Variants in SPECC1 observed in about 807,000 individuals in gnomAD.
SPECC1 encodes cytospin-B.
Under a neutral mutation model 104.1 loss-of-function variants are expected in SPECC1, and 62 were observed. The ratio of observed to expected loss-of-function variants is 0.60; its 90% CI spans 0.49 to 0.74. The LOEUF is 0.74. SPECC1 is among the 30% of genes least tolerant of loss of function. The probability of loss-of-function intolerance (pLI) is 0.00; values close to 1 mark genes in which losing one functional copy is unlikely to be tolerated. For synonymous variants in SPECC1, 513 were observed against 501.6 expected, an observed-to-expected ratio of 1.02 and a Z score of -0.30; for missense variants, 1,306 against 1,310.5, an observed-to-expected ratio of 1.00 and a Z score of 0.05.
intron 7 of SPECC1, among the ~76,000 whole-genome samples, chr17:20,234,202 T>A (rs1477529569): frequency 6.6e-6 from 1 of 152,194 alleles, no homozygotes; most frequent in Non-Finnish European, 1.5e-5. Context: ...TTTTTGATTT[T>A]CCAGTGATTT....
chr17:20,298,547 CTG>C (rs1262336278), intron 13 of SPECC1, among the ~76,000 whole-genome samples: 1 of 152,104 alleles, frequency 6.6e-6, no homozygotes, highest in African/African-American at 2.4e-5. Flanking sequence ...TCTGGGGAGT[CTG>C]GGGCGGGAGA....
intron 3 of SPECC1, among the ~76,000 whole-genome samples, chr17:20,161,983 C>G (rs545456176): frequency 6.6e-6 from 1 of 151,516 alleles, no homozygotes; most frequent in Admixed American, 6.6e-5. Context: ...TTAGTAGAGA[C>G]GGGGTTTCGC....
chr17:20,195,829 C>G (rs2035996444), intron 3 of SPECC1, among the ~76,000 whole-genome samples: 1 of 152,160 alleles, frequency 6.6e-6, no homozygotes, highest in Non-Finnish European at 1.5e-5. Context: ...AGGTAAGATT[C>G]TCATAAACTT....
intron 1 of SPECC1, among the ~76,000 whole-genome samples, chr17:20,023,131 A>G (rs530561810): frequency 6.6e-6 from 1 of 152,334 alleles, no homozygotes; most frequent in East Asian, 1.9e-4. Context: ...TAAATATTTT[A>G]GGCTTTGCAG....
chr17:20,084,322 G>A (rs536161244), intron 1 of SPECC1, among the ~76,000 whole-genome samples: 4 of 152,230 alleles, frequency 2.6e-5, no homozygotes, highest in African/African-American at 7.2e-5. Context: ...CCAGCTACTC[G>A]GGAGGCTGAG....
chr17:20,123,155 A>G (rs570227851), intron 3 of SPECC1, among the ~76,000 whole-genome samples: 4 of 152,356 alleles, frequency 2.6e-5, no homozygotes, highest in African/African-American at 9.6e-5. Flanking sequence ...GCAGTCGGCT[A>G]GAAGGAGGTT....
At chr17:20,221,854 T>C (rs543821810) in intron 4 of SPECC1, among the ~76,000 whole-genome samples, 1 of 152,258 alleles carries the variant, frequency 6.6e-6, no homozygotes, top group Admixed American at 6.5e-5. Context: ...TTCATTTGTT[T>C]TAAGACATTT....
At chr17:20,098,753 C>G (rs1221008482) in intron 2 of SPECC1, among the ~76,000 whole-genome samples, 1 of 152,202 alleles carries the variant, frequency 6.6e-6, no homozygotes, top group Non-Finnish European at 1.5e-5. Flanking sequence ...TCCTCCTCCT[C>G]CTGCTGCCTT....
chr17:20,019,774 A>G (rs1472805188), intron 1 of SPECC1, among the ~76,000 whole-genome samples: 1 of 152,046 alleles, frequency 6.6e-6, no homozygotes, highest in Non-Finnish European at 1.5e-5. Flanking sequence ...CAGCTTTCCC[A>G]CGGAGCCACC....
rs2044010201 is a variant in SPECC1 at position 20,013,468 on chromosome 17, CT to C, written c.-22+4048del. ...ATTTATATTTATTTTGATTACTGAT[CT>C]TTTGCGGATTATTCCTGTCATCTTA... On this transcript the variant is annotated intron_variant, in intron 1 of 14. Transcript: ENST00000395527. 2.0e-5 allele frequency among the ~76,000 whole-genome samples: 3 copies of C among 152,204 alleles called. No individual in the cohort carries two copies. The South Asian group carries it at 6.2e-4, about 32-fold the overall frequency.
chr17:20,281,407 G>T (rs1331990062), intron 12 of SPECC1, among the ~76,000 whole-genome samples: 1 of 152,124 alleles, frequency 6.6e-6, no homozygotes, highest in East Asian at 1.9e-4. Flanking sequence ...CACACCCCAG[G>T]CTCAGGCTGT....
intron 3 of SPECC1, among the ~76,000 whole-genome samples, chr17:20,167,179 AAT>A (rs1350645331): frequency 3.4e-5 from 5 of 148,006 alleles, no homozygotes; most frequent in Admixed American, 6.8e-5. Context: ...TAGTGTATGT[AAT>A]ATGTTAGCTA....
At chr17:20,245,683 C>T (rs1344291087) in intron 7 of SPECC1, among the ~76,000 whole-genome samples, 1 of 152,126 alleles carries the variant, frequency 6.6e-6, no homozygotes, top group Non-Finnish European at 1.5e-5. Context: ...TATCAAGTCA[C>T]TCTACATATA....
intron 5 of SPECC1, among the ~76,000 whole-genome samples, chr17:20,230,098 C>A (rs1482489921): frequency 6.6e-6 from 1 of 152,072 alleles, no homozygotes; most frequent in Non-Finnish European, 1.5e-5. Flanking sequence ...GGTTGATGAG[C>A]CTGGCTTGTT....
chr17:20,200,371 A>G (rs1298188452), intron 3 of SPECC1, among the ~76,000 whole-genome samples: 1 of 152,170 alleles, frequency 6.6e-6, no homozygotes, highest in Non-Finnish European at 1.5e-5. Flanking sequence ...TCACACTTCA[A>G]ACATGTTTCT....
chr17:20,048,989 G>A (rs940972009), intron 1 of SPECC1, among the ~76,000 whole-genome samples: 2 of 152,074 alleles, frequency 1.3e-5, no homozygotes, highest in African/African-American at 2.4e-5. Flanking sequence ...TGTTTAACGG[G>A]GAAGGAGGGA....
At chr17:20,256,637 T>G (rs2039840484) in intron 10 of SPECC1, among the ~76,000 whole-genome samples, 1 of 152,186 alleles carries the variant, frequency 6.6e-6, no homozygotes, top group African/African-American at 2.4e-5. Flanking sequence ...CACTTAGTTC[T>G]CTGAGCTCCA....
intron 1 of SPECC1, among the ~76,000 whole-genome samples, chr17:20,041,584 A>G (rs1361041822): frequency 1.2e-5 from 1 of 84,862 alleles, no homozygotes. Flanking sequence ...TTTTTTTTTC[A>G]TTTGTTTCAA....
Position 20,122,142 on chromosome 17 carries a change from G to T in SPECC1, c.283+11580G>T, listed in dbSNP as rs144008550. The stretch of plus-strand genomic sequence containing the variant: ...GAGTGGCAGGAAGACCAGTGGGGCC[G>T]CAGCAGAGTGAACAAGCAGTTGGGG... On this transcript the variant is annotated intron_variant, in intron 3 of 14. Transcript: ENST00000395527. Among the ~76,000 whole-genome samples the T allele has an allele frequency of 8.4e-3, 1,284 of 152,278 alleles. 19 individuals carry two copies. The highest frequency in any genetic ancestry group is 0.029 in the African/African-American group (1,222 of 41,556).
Sources: gnomAD v4.1 joint callset for allele counts (sites outside exome capture counted in the v4.1 genomes callset) on GRCh38, gnomAD v4.1.1 for gene constraint, MANE v1.5 for transcripts, NCBI Gene and HGNC (gene_info 2026-07-23, HGNC 2026-07-21) for gene names.